The following ZNF547 variants were observed in gnomAD, a reference collection of about 807,000 sequenced individuals.
The protein encoded by ZNF547 is zinc finger protein 547.
A neutral mutation model predicts 7.7 loss-of-function variants in ZNF547; 4 were observed. The observed-to-expected ratio is 0.52, with a 90% confidence interval of 0.26 to 1.20. The LOEUF is 1.20. ZNF547 is among the 50% of genes most tolerant of loss of function. The pLI is 0.14. For missense variants in ZNF547, 449 were observed against 485.8 expected (o/e 0.92, Z 0.71); for synonymous variants, 166 against 166.2 (o/e 1.00, Z 0.01).
chr19:57,366,696 C>G (rs1168039577), intron 1 of ZNF547, among the ~76,000 whole-genome samples: 2 of 148,376 alleles, frequency 1.3e-5, no homozygotes. Context: ...CAGGTGTGAG[C>G]CACCATACCC....
Position 57,364,753 on chromosome 19 carries a change from G to A in ZNF547, c.-13+1050G>A. 3 of 1,203,182 alleles carry A rather than the reference G, an allele frequency of 2.5e-6. No individual in the cohort carries two copies. The South Asian group carries it at 4.0e-5, about 16-fold the overall frequency. 74.5% of individuals were successfully genotyped at this position (1,203,182 alleles called of 1,614,324 possible). On this transcript the variant is annotated intron_variant, in intron 1 of 3. Coordinates refer to ENST00000282282, the MANE Select transcript of ZNF547 (RefSeq NM_173631.4). ...GAGATTCCGTGTCAAAAAAAGGTGCGGAGCGCGGGTCTCTTCCGCGGAAAC... is the reference window on the plus strand; with the variant it reads ...GAGATTCCGTGTCAAAAAAAGGTGCAGAGCGCGGGTCTCTTCCGCGGAAAC...
At chr19:57,371,620 T>C (rs1407218729) in intron 2 of ZNF547, 162 bp from the exon 3 acceptor site, 1 of 1,122,268 alleles carries the variant, frequency 8.9e-7, no homozygotes, top group African/African-American at 1.6e-5. Flanking sequence ...TGGAGATGGT[T>C]AAGAATATGT....
intron 1 of ZNF547, among the ~76,000 whole-genome samples, chr19:57,367,811 A>G (rs1295713414): frequency 6.6e-6 from 1 of 152,194 alleles, no homozygotes; most frequent in Non-Finnish European, 1.5e-5. Flanking sequence ...AAACTAGGGC[A>G]CTGCTTTTTC....
chr19:57,371,304 A>G (rs2123017036), intron 2 of ZNF547, among the ~76,000 whole-genome samples: 1 of 152,332 alleles, frequency 6.6e-6, no homozygotes. Flanking sequence ...GGACAGGCCA[A>G]TGACACTGAA....
intron 3 of ZNF547, 48 bp from the exon 4 acceptor site, chr19:57,377,080 C>T (rs372467148): frequency 2.3e-5 from 35 of 1,539,972 alleles, no homozygotes; most frequent in Middle Eastern, 3.7e-4. Context: ...GGGTTGCCTC[C>T]GCTCATCACA....
chr19:57,368,843 A>C (rs996060081), intron 2 of ZNF547, among the ~76,000 whole-genome samples: 1 of 152,200 alleles, frequency 6.6e-6, no homozygotes, highest in Non-Finnish European at 1.5e-5. Flanking sequence ...TTGACGTGGT[A>C]ACATCTGTCA....
chr19:57,369,896 G>GTTTTTTT (rs1300181023), intron 2 of ZNF547, among the ~76,000 whole-genome samples: 30 of 33,846 alleles, frequency 8.9e-4, no homozygotes, highest in African/African-American at 1.9e-3. Flanking sequence ...TTGACTCACA[G>GTTTTTTT]TTCTTTTTTT....
chr19:57,367,490 G>T (rs1407015145), intron 1 of ZNF547, among the ~76,000 whole-genome samples: 1 of 144,870 alleles, frequency 6.9e-6, no homozygotes, highest in African/African-American at 2.6e-5. Context: ...GATCCAATTT[G>T]GTAGGGAAGT....
rs1457335986 is a variant in ZNF547 at position 57,378,967 on chromosome 19, T to G, written c.*782T>G. ...AGTGTTTTTCATTATTTTTTTTCAC[T>G]TAGGATAATATCCTCAAAGTTCATT... On this transcript the variant is annotated 3_prime_UTR_variant, in exon 4 of 4. Transcript: ENST00000282282. The G allele has an allele frequency of 2.1e-5, 4 of 186,458 alleles. No homozygotes were observed. Among genetic ancestry groups the G allele is most frequent in the Non-Finnish European group, 4.5e-5 (4 of 88,286 alleles). 11.6% of individuals were successfully genotyped at this position (186,458 alleles called of 1,614,324 possible).
At position 57,377,848 on chromosome 19, in the gene ZNF547, C is replaced by A. The variant is rs1301393362; in HGVS notation, c.872C>A (p.Thr291Lys). 2 of 1,613,794 alleles carry A rather than the reference C, an allele frequency of 1.2e-6. No individual in the cohort carries two copies. Among genetic ancestry groups the A allele is most frequent in the Non-Finnish European group, 1.7e-6 (2 of 1,179,990 alleles). Residue 291 changes from threonine (T) to lysine (K), a missense_variant, in exon 4 of 4, where the codon ACA (threonine) becomes AAA (lysine). By Grantham distance (78) the Thr-to-Lys change is moderately conservative (BLOSUM62 -1). Coordinates refer to ENST00000282282, the MANE Select transcript of ZNF547 (RefSeq NM_173631.4). The stretch of plus-strand genomic sequence containing the variant: ...CTCTTTAGGCATTACAGAATTCATA[C>A]AGGAAAAAGGTCTTATGGTTGCAGT... ...SNLFRHYRIH[T>K]GKRSYGCSEC...
At chr19:57,371,705 A>G (rs2088505304) in intron 2 of ZNF547, 77 bp from the exon 3 acceptor site, 29 of 1,529,072 alleles carry the variant, frequency 1.9e-5, no homozygotes, top group Non-Finnish European at 2.4e-5. Context: ...GGTAAATATA[A>G]GTAGAAAATA....
At chr19:57,364,491 C>T (rs2088448096) in intron 1 of ZNF547, 2 of 360,120 alleles carry the variant, frequency 5.6e-6, no homozygotes, top group South Asian at 5.4e-5. Context: ...GCCGGTAATC[C>T]CAGCACTTTG....
chr19:57,378,197 A>G lies in ZNF547; in HGVS notation c.*12A>G, dbSNP rs547600644. The G allele has an allele frequency of 3.1e-6, 5 of 1,594,152 alleles. No homozygotes were observed. The South Asian group carries it at 4.5e-5, about 14-fold the overall frequency. Reference sequence around the variant, plus strand: ...TCCACACTGGATAAGGCCCTTATGAATGCAGTGGATATGGGAAAGCCTTCA... The same window carrying G: ...TCCACACTGGATAAGGCCCTTATGAGTGCAGTGGATATGGGAAAGCCTTCA... On this transcript the variant is annotated 3_prime_UTR_variant, in exon 4 of 4. Transcript: ENST00000282282.
chr19:57,379,024 C>T lies in ZNF547; in HGVS notation c.*839C>T. ...TTAGCATGTGTCAGAAATTTTAAGG[C>T]TGAGCAATATTTCATTGTTTGCATT... On this transcript the variant is annotated 3_prime_UTR_variant, in exon 4 of 4. Coordinates refer to ENST00000282282, the MANE Select transcript of ZNF547 (RefSeq NM_173631.4). 1 of 179,872 alleles carries T rather than the reference C, an allele frequency of 5.6e-6. No individual in the cohort carries two copies. The highest frequency in any genetic ancestry group is 1.2e-5 in the Non-Finnish European group (1 of 84,968). 11.1% of individuals were successfully genotyped at this position (179,872 alleles called of 1,614,324 possible).
chr19:57,377,100 C>T, intron 3 of ZNF547, 28 bp from the exon 4 acceptor site: 1 of 1,594,038 alleles, frequency 6.3e-7, no homozygotes. Context: ...AGTCAACATG[C>T]ACCTCACCAG....
rs1013158138 is a variant in ZNF547 at position 57,378,441 on chromosome 19, T to C, written c.*256T>C. 4 of 656,272 alleles carry C rather than the reference T, an allele frequency of 6.1e-6. No homozygotes were observed. Among genetic ancestry groups the C allele is most frequent in the Non-Finnish European group, 8.5e-6 (3 of 353,082 alleles). The allele number at this position is 656,272 out of a possible 1,614,324, so 40.7% of individuals were successfully genotyped here. A position where few individuals can be genotyped will look rare whatever the true frequency, so the allele number is the denominator to read the frequency against. ...TTACACTGAAGAAGAGTCTTTTCAA[T>C]AAAGTAGAAAGTGGTAAAGATTCAA... On this transcript the variant is annotated 3_prime_UTR_variant, in exon 4 of 4. Transcript: ENST00000282282.
In ZNF547 at chr19:57,371,785, CAT is replaced by C; in HGVS notation, c.29_30del (p.His10ArgfsTer4). MAEMNPAQG[H>X]VVFEDVAIYF... Reference sequence around the variant, plus strand: ...TTCATCTTTCCCAATTTGGCAGGGTCATGTGGTTTTTGAAGACGTGGCCATAT... The same window carrying C: ...TTCATCTTTCCCAATTTGGCAGGGTCGTGGTTTTTGAAGACGTGGCCATAT... On this transcript the variant is annotated frameshift_variant, in exon 3 of 4. Coordinates refer to ENST00000282282, the MANE Select transcript of ZNF547 (RefSeq NM_173631.4). LOFTEE classifies it high-confidence loss of function. The C allele has an allele frequency of 1.2e-6, 2 of 1,610,228 alleles. No homozygotes were observed. Among genetic ancestry groups the C allele is most frequent in the South Asian group, 2.2e-5 (2 of 90,608 alleles).
At chr19:57,369,526 T>C in intron 2 of ZNF547, among the ~76,000 whole-genome samples, 1 of 152,086 alleles carries the variant, frequency 6.6e-6, no homozygotes, top group Non-Finnish European at 1.5e-5. Context: ...GGATTCAGTT[T>C]AGGTGACAGC....
chr19:57,377,102 C>G, intron 3 of ZNF547, 26 bp from the exon 4 acceptor site: 2 of 1,597,152 alleles, frequency 1.3e-6, no homozygotes, highest in Non-Finnish European at 8.6e-7. Context: ...TCAACATGCA[C>G]CTCACCAGCA....
Sources: allele counts gnomAD v4.1 joint callset (sites outside exome capture counted in the v4.1 genomes callset), GRCh38; gene constraint gnomAD v4.1.1; transcripts MANE v1.5; gene names NCBI Gene and HGNC (gene_info 2026-07-23, HGNC 2026-07-21).